Variants in ANKS3 observed in about 807,000 individuals in gnomAD.
ANKS3 encodes ankyrin repeat and sterile alpha motif domain containing 3, also known as ankyrin repeat and SAM domain-containing protein 3.
A neutral mutation model predicts 80.7 loss-of-function variants in ANKS3; 62 were observed. The ratio of observed to expected loss-of-function variants is 0.77; its 90% CI spans 0.63 to 0.95. The LOEUF is 0.95. ANKS3 is among the 40% of genes least tolerant of loss of function. The probability of loss-of-function intolerance (pLI) is 0.00; values close to 1 mark genes in which losing one functional copy is unlikely to be tolerated. For synonymous variants in ANKS3, 489 were observed against 355.3 expected (o/e 1.38, Z -4.23); for missense variants, 1,150 against 883.6 (o/e 1.30, Z -3.82).
chr16:4,708,373 CAAGGA>C (rs897695939), intron 7 of ANKS3, among the ~76,000 whole-genome samples: 4 of 151,858 alleles, frequency 2.6e-5, no homozygotes, highest in African/African-American at 9.7e-5. Context: ...CTAAAAATAA[CAAGGA>C]AAGTATTAAA....
chr16:4,714,118 G>C lies in ANKS3; in HGVS notation c.642C>G (p.His214Gln). The stretch of plus-strand genomic sequence containing the variant: ...TGTCCATCAAGGCCACGATCTTCAT[G>C]TGTCCGTACTGCTTGGCCAGCATCC... The part of the protein sequence containing the change: ...TARMLAKQYG[H>Q]MKIVALMDTY... Residue 214 changes from histidine (H) to glutamine (Q), a missense_variant, in exon 7 of 18, where the codon CAC (histidine) becomes CAG (glutamine). Transcript: ENST00000304283. The C allele has an allele frequency of 6.2e-7, 1 of 1,614,188 alleles. No homozygotes were observed. The highest frequency in any genetic ancestry group is 8.5e-7 in the Non-Finnish European group (1 of 1,180,044).
chr16:4,725,010 T>C (rs925128937), intron 5 of ANKS3, 179 bp from the exon 6 acceptor site: 16 of 526,132 alleles, frequency 3.0e-5, no homozygotes, highest in Non-Finnish European at 4.7e-5. Context: ...ATCAGCTCCA[T>C]TTACTCTTCT....
Position 4,698,019 on chromosome 16 carries a change from G to A in ANKS3, c.1768C>T (p.Pro590Ser), listed in dbSNP as rs757538820. ...ELSSRVRQDQ[P>S]PGAATLGLAV... ...AGGCCCAGAGTGGCTGCACCAGGGG[G>A]CTGGTCCTGCCTCACTCGAGATGAC... Residue 590 changes from proline to serine, a missense_variant, in exon 15 of 18, where the codon CCC becomes TCC. Transcript: ENST00000304283. 2 of 1,608,138 alleles carry A rather than the reference G, an allele frequency of 1.2e-6. No individual in the cohort carries two copies. The highest frequency in any genetic ancestry group is 3.4e-5 in the Admixed American group (2 of 59,338).
At chr16:4,713,208 C>A (rs544849835) in intron 7 of ANKS3, among the ~76,000 whole-genome samples, 5 of 152,050 alleles carry the variant, frequency 3.3e-5, no homozygotes, top group Admixed American at 3.3e-4. Flanking sequence ...GAAGAGGTTG[C>A]GGTGAGGCAA....
In ANKS3 at chr16:4,702,203, C is replaced by A. The variant is rs779197274; in HGVS notation, c.908G>T (p.Ser303Ile). ...CTCTTCTTCCAGGGGGTTCTCGCCA[C>A]TGCTGTTGAAGGTGACATAGCCACG... ...PPRGYVTFNS[S>I]GENPLEEEGL... The change falls in exon 9 of 18, where the codon AGT (serine) becomes ATT (isoleucine). Residue 303 changes from serine to isoleucine, a missense_variant. Physicochemically the swap from Ser to Ile is moderately radical, Grantham distance 142. Transcript: ENST00000304283. 1.3e-6 allele frequency: 2 copies of A among 1,591,052 alleles called. No individual in the cohort carries two copies. The highest frequency in any genetic ancestry group is 1.7e-6 in the Non-Finnish European group (2 of 1,168,918).
intron 6 of ANKS3, among the ~76,000 whole-genome samples, chr16:4,719,438 T>C (rs534946088): frequency 2.1e-4 from 32 of 152,286 alleles, no homozygotes; most frequent in Non-Finnish European, 1.2e-4. Flanking sequence ...AGAGGCTCTT[T>C]ATGGTTCTGG....
intron 7 of ANKS3, among the ~76,000 whole-genome samples, chr16:4,707,635 T>C (rs145120546): frequency 5.6e-4 from 85 of 152,276 alleles, no homozygotes; most frequent in Non-Finnish European, 1.1e-3. Context: ...TAACAAGTTA[T>C]GAAAATCTGT....
chr16:4,708,283 A>G (rs2080306310), intron 7 of ANKS3, among the ~76,000 whole-genome samples: 1 of 152,156 alleles, frequency 6.6e-6, no homozygotes, highest in African/African-American at 2.4e-5. Flanking sequence ...TCTAGAAATT[A>G]ACAAACAAAA....
intron 6 of ANKS3, among the ~76,000 whole-genome samples, chr16:4,715,644 T>C (rs996838039): frequency 3.3e-5 from 5 of 152,080 alleles, no homozygotes; most frequent in African/African-American, 9.7e-5. Context: ...ACATTACAAC[T>C]CCGGCAAAAT....
intron 7 of ANKS3, among the ~76,000 whole-genome samples, chr16:4,713,804 T>C (rs2080627444): frequency 6.6e-6 from 1 of 152,156 alleles, no homozygotes. Context: ...TACTCGGTAG[T>C]CAAGCATACT....
At position 4,697,417 on chromosome 16, in the gene ANKS3, CTG is replaced by C. The variant is rs1233737802; in HGVS notation, c.1811-3_1811-2del. ...AGGGACGCTTGCCAGCCCTTGGAGTCTGTGGTGCAGGTGCAGGGACCGAGTTA... is the reference window on the plus strand; with the variant it reads ...AGGGACGCTTGCCAGCCCTTGGAGTCTGGTGCAGGTGCAGGGACCGAGTTA... On this transcript the variant is annotated splice_acceptor_variant and splice_polypyrimidine_tract_variant and intron_variant, in intron 15 of 17. Coordinates refer to ENST00000304283, the MANE Select transcript of ANKS3 (RefSeq NM_133450.4). LOFTEE classifies it high-confidence loss of function. 1.9e-6 allele frequency: 3 copies of C among 1,601,440 alleles called. No homozygotes were observed. The highest frequency in any genetic ancestry group is 2.6e-6 in the Non-Finnish European group (3 of 1,174,642).
At chr16:4,708,705 T>C (rs1033282140) in intron 7 of ANKS3, among the ~76,000 whole-genome samples, 2 of 151,202 alleles carry the variant, frequency 1.3e-5, no homozygotes, top group East Asian at 2.0e-4. Context: ...GAGGCCGAGG[T>C]GGGCAGATCA....
chr16:4,697,479 T>C (rs1272614242), intron 15 of ANKS3, 63 bp from the exon 16 acceptor site: 1 of 1,362,766 alleles, frequency 7.3e-7, no homozygotes, highest in Non-Finnish European at 1.0e-6. Flanking sequence ...CCCTGCTTTA[T>C]TCTGAGCCCA....
At chr16:4,731,794 G>C (rs1018744255) in intron 1 of ANKS3, among the ~76,000 whole-genome samples, 2 of 152,148 alleles carry the variant, frequency 1.3e-5, no homozygotes, top group African/African-American at 2.4e-5. Context: ...TAACAGGCCG[G>C]TGAACTGGTG....
At chr16:4,716,360 C>CAAAAAA (rs1162795772) in intron 6 of ANKS3, among the ~76,000 whole-genome samples, 4 of 48,800 alleles carry the variant, frequency 8.2e-5, no homozygotes, top group African/African-American at 8.2e-5. Flanking sequence ...GACTCCAACT[C>CAAAAAA]AAAAAAAAAA....
At chr16:4,708,134 TAG>T (rs1345225726) in intron 7 of ANKS3, among the ~76,000 whole-genome samples, 5 of 142,266 alleles carry the variant, frequency 3.5e-5, no homozygotes, top group Non-Finnish European at 6.3e-5. Context: ...TATATATATA[TAG>T]ATAGATCAGT....
chr16:4,701,247 C>T, intron 10 of ANKS3, 113 bp from the exon 11 acceptor site: 1 of 1,515,730 alleles, frequency 6.6e-7, no homozygotes, highest in South Asian at 1.2e-5. Context: ...CCCCACCCGC[C>T]ACACAGGGGC....
At chr16:4,733,368 T>C (rs1374930282) in intron 1 of ANKS3, among the ~76,000 whole-genome samples, 1 of 152,010 alleles carries the variant, frequency 6.6e-6, no homozygotes, top group Non-Finnish European at 1.5e-5. Context: ...CTCGGCTCAA[T>C]GCAACCTCCG....
chr16:4,713,417 T>C (rs2080606774), intron 7 of ANKS3, among the ~76,000 whole-genome samples: 1 of 151,656 alleles, frequency 6.6e-6, no homozygotes, highest in Non-Finnish European at 1.5e-5. Flanking sequence ...AAAAAATAAA[T>C]AGCACTGAAT....
Sources: gnomAD v4.1 joint callset for allele counts (sites outside exome capture counted in the v4.1 genomes callset) on GRCh38, gnomAD v4.1.1 for gene constraint, MANE v1.5 for transcripts, NCBI Gene and HGNC (gene_info 2026-07-23, HGNC 2026-07-21) for gene names.